SLX4IP: variants seen among roughly 807,000 people sequenced by gnomAD.
SLX4IP encodes the protein protein SLX4IP.
SLX4IP carries 34 observed loss-of-function variants against 32.9 expected under a neutral mutation model. The observed-to-expected ratio is 1.03, with a 90% CI of 0.79 to 1.38. The LOEUF (loss-of-function observed/expected upper bound fraction) is 1.38, where lower values mean the gene tolerates loss of function less well. Ranked by LOEUF, SLX4IP falls within the 40% of genes most tolerant of loss-of-function variation. The pLI, the probability that SLX4IP is intolerant of heterozygous loss-of-function variation, is 0.00. For missense variants in SLX4IP, 444 were observed against 479.0 expected, an observed-to-expected ratio of 0.93 and a Z score of 0.68; for synonymous variants, 172 against 171.7, an observed-to-expected ratio of 1.00 and a Z score of -0.01.
intron 2 of SLX4IP, among the ~76,000 whole-genome samples, chr20:10,515,587 A>G (rs1040580387): frequency 1.3e-5 from 2 of 152,228 alleles, no homozygotes; most frequent in Non-Finnish European, 2.9e-5. Context: ...AACACTTACA[A>G]TTATAGTGTG....
intron 2 of SLX4IP, among the ~76,000 whole-genome samples, chr20:10,459,453 A>G (rs1402945666): frequency 6.6e-6 from 1 of 152,140 alleles, no homozygotes; most frequent in African/African-American, 2.4e-5. Flanking sequence ...CATATGGAAA[A>G]TTTATATTTT....
intron 2 of SLX4IP, among the ~76,000 whole-genome samples, chr20:10,524,194 G>A (rs2065923533): frequency 6.6e-6 from 1 of 152,350 alleles, no homozygotes; most frequent in African/African-American, 2.4e-5. Context: ...AAGTGGACTG[G>A]CTGTGTCCGT....
chr20:10,441,385 C>T (rs1173487265), intron 1 of SLX4IP, among the ~76,000 whole-genome samples: 3 of 152,056 alleles, frequency 2.0e-5, no homozygotes, highest in African/African-American at 2.4e-5. Flanking sequence ...TTCAGTGAGC[C>T]GTGATCACGC....
intron 2 of SLX4IP, among the ~76,000 whole-genome samples, chr20:10,474,527 T>C (rs2065456971): frequency 6.6e-6 from 1 of 152,306 alleles, no homozygotes; most frequent in South Asian, 2.1e-4. Context: ...GGTATTGATG[T>C]CCTCCATTTA....
At chr20:10,496,785 T>C (rs779999612) in intron 2 of SLX4IP, among the ~76,000 whole-genome samples, 1 of 152,166 alleles carries the variant, frequency 6.6e-6, no homozygotes, top group Non-Finnish European at 1.5e-5. Context: ...TAGCCTTCTA[T>C]AGCTGGAAGG....
rs2066844823 is a variant in SLX4IP at position 10,601,776 on chromosome 20, T to C, written c.362T>C (p.Leu121Pro). 6.2e-7 allele frequency: 1 copy of C among 1,614,074 alleles called. No individual in the cohort carries two copies. Among genetic ancestry groups the C allele is most frequent in the Non-Finnish European group, 8.5e-7 (1 of 1,179,958 alleles). ...AGATTTGTGGTTTGTGTCAGTCAGC[T>C]TGCATTCAGTCGTGATCTTTTAGCA... ...PDRFVVCVSQLAFSRDLLASQ... is the reference protein window; with the variant it reads ...PDRFVVCVSQPAFSRDLLASQ... Residue 121 changes from leucine (L) to proline (P), a missense_variant, in exon 6 of 8, where the codon CTT becomes CCT. Leu to Pro is a moderately conservative substitution (Grantham distance 98). Coordinates refer to ENST00000334534, the MANE Select transcript of SLX4IP (RefSeq NM_001009608.3).
At position 10,503,680 on chromosome 20, in the gene SLX4IP, A is replaced by T. The variant is rs763555057; in HGVS notation, c.27+45449A>T. The stretch of plus-strand genomic sequence containing the variant: ...TTAAACAATAGATATTTATTGTCTC[A>T]TGGGTCTGGATGCCAGAAGTCTGAT... On this transcript the variant is annotated intron_variant, in intron 2 of 7. Transcript: ENST00000334534. Among the ~76,000 whole-genome samples, 218 of 152,256 alleles carry T rather than the reference A, an allele frequency of 1.4e-3. 1 individual carries two copies. The highest frequency in any genetic ancestry group is 2.4e-3 in the Non-Finnish European group (164 of 68,018).
intron 1 of SLX4IP, among the ~76,000 whole-genome samples, chr20:10,452,420 C>T (rs952460150): frequency 4.0e-5 from 6 of 151,890 alleles, no homozygotes; most frequent in Non-Finnish European, 5.9e-5. Context: ...AATCCCAGCA[C>T]TTTGGGAGGC....
At chr20:10,559,881 G>A (rs762174172) in intron 3 of SLX4IP, among the ~76,000 whole-genome samples, 41 of 152,058 alleles carry the variant, frequency 2.7e-4, no homozygotes, top group Non-Finnish European at 5.0e-4. Flanking sequence ...AAAAACAAAG[G>A]CATATACAGT....
chr20:10,529,053 C>T (rs2065963077), intron 2 of SLX4IP, among the ~76,000 whole-genome samples: 1 of 152,114 alleles, frequency 6.6e-6, no homozygotes, highest in Non-Finnish European at 1.5e-5. Context: ...GTTTCTGTTT[C>T]TGTTTGCTTT....
chr20:10,441,550 G>A (rs1442182845), intron 1 of SLX4IP, among the ~76,000 whole-genome samples: 1 of 152,164 alleles, frequency 6.6e-6, no homozygotes, highest in Non-Finnish European at 1.5e-5. Context: ...CTCAGATCAT[G>A]GGTCAACTGA....
At chr20:10,486,637 C>A (rs893395887) in intron 2 of SLX4IP, among the ~76,000 whole-genome samples, 1 of 152,072 alleles carries the variant, frequency 6.6e-6, no homozygotes, top group Admixed American at 6.6e-5. Flanking sequence ...ACAGGAAAGG[C>A]CATCAGTTCA....
intron 3 of SLX4IP, among the ~76,000 whole-genome samples, chr20:10,557,860 C>T (rs1029838334): frequency 2.6e-5 from 4 of 152,240 alleles, no homozygotes; most frequent in South Asian, 2.1e-4. Context: ...CATGCAGCTG[C>T]GTGGATGCTC....
chr20:10,550,262 G>T (rs774105924), intron 2 of SLX4IP, among the ~76,000 whole-genome samples: 1 of 152,034 alleles, frequency 6.6e-6, no homozygotes, highest in Non-Finnish European at 1.5e-5. Context: ...TCTTTGCCTC[G>T]TTACTTGAAG....
chr20:10,567,701 C>T (rs952217915), intron 4 of SLX4IP, among the ~76,000 whole-genome samples: 1 of 152,196 alleles, frequency 6.6e-6, no homozygotes, highest in Non-Finnish European at 1.5e-5. Flanking sequence ...ATTTATGTCA[C>T]CAGTTCTTGA....
At chr20:10,530,148 G>A (rs2065976174) in intron 2 of SLX4IP, among the ~76,000 whole-genome samples, 1 of 152,194 alleles carries the variant, frequency 6.6e-6, no homozygotes, top group South Asian at 2.1e-4. Flanking sequence ...GTGTAAGAAG[G>A]CTTGCCTGTG....
chr20:10,475,319 A>G (rs896407641), intron 2 of SLX4IP, among the ~76,000 whole-genome samples: 1 of 152,238 alleles, frequency 6.6e-6, no homozygotes, highest in Non-Finnish European at 1.5e-5. Context: ...AAGTTGCCCA[A>G]GGGAACTTAG....
At chr20:10,485,073 G>A (rs1568703351) in intron 2 of SLX4IP, among the ~76,000 whole-genome samples, 1 of 151,778 alleles carries the variant, frequency 6.6e-6, no homozygotes, top group Non-Finnish European at 1.5e-5. Context: ...TTGTAGAGGG[G>A]CTTTAAAGCC....
At chr20:10,606,469 T>A (rs77151667) in intron 6 of SLX4IP, among the ~76,000 whole-genome samples, 10,780 of 152,228 alleles carry the variant, frequency 0.071, 623 homozygotes, top group South Asian at 0.24. Context: ...GTTAAAAAAA[T>A]TTATTTTTCT....
Sources: gnomAD v4.1 joint callset for allele counts (sites outside exome capture counted in the v4.1 genomes callset) on GRCh38, gnomAD v4.1.1 for gene constraint, MANE v1.5 for transcripts, NCBI Gene and HGNC (gene_info 2026-07-23, HGNC 2026-07-21) for gene names.